The following PRKG1 variants were observed in gnomAD, a reference collection of about 807,000 sequenced individuals.
PRKG1 encodes the protein cGMP-dependent protein kinase 1.
Under a neutral mutation model 88.1 loss-of-function variants are expected in PRKG1, and 35 were observed. The observed-to-expected ratio is 0.40, with a 90% CI of 0.30 to 0.53. PRKG1 has a LOEUF of 0.53. PRKG1 is among the 20% of genes least tolerant of loss of function. PRKG1 has a pLI of 0.59. For synonymous variants in PRKG1, 303 were observed against 292.5 expected (o/e 1.04, Z -0.37); for missense variants, 540 against 839.8 (o/e 0.64, Z 4.41).
chr10:52,046,217 A>G (rs959454487), intron 5 of PRKG1, among the ~76,000 whole-genome samples: 2 of 152,134 alleles, frequency 1.3e-5, no homozygotes, highest in Non-Finnish European at 2.9e-5. Context: ...ATGACGCAAT[A>G]AAAATAAATT....
intron 4 of PRKG1, among the ~76,000 whole-genome samples, chr10:51,846,813 C>T (rs1840410847): frequency 6.6e-6 from 1 of 151,896 alleles, no homozygotes; most frequent in African/African-American, 2.4e-5. Flanking sequence ...GTTAATTGGA[C>T]AACAGTATTC....
intron 2 of PRKG1, among the ~76,000 whole-genome samples, chr10:51,284,237 G>A (rs540380045): frequency 1.4e-3 from 206 of 152,182 alleles, no homozygotes; most frequent in African/African-American, 4.7e-3. Flanking sequence ...AGCCTTAAAA[G>A]AAAAAAGACA....
In PRKG1 at chr10:52,211,701, A is replaced by T. The variant is rs1209875136; in HGVS notation, c.1077-39869A>T. Among the ~76,000 whole-genome samples, 4 of 125,766 alleles carry T rather than the reference A, an allele frequency of 3.2e-5. No individual in the cohort carries two copies. The East Asian group carries it at 1.3e-3, about 40-fold the overall frequency. The allele number at this position is 125,766 out of a possible 152,430, so 82.5% of individuals were successfully genotyped here. A position where few individuals can be genotyped will look rare whatever the true frequency, so the allele number is the denominator to read the frequency against. On this transcript the variant is annotated intron_variant, in intron 9 of 17. Transcript: ENST00000373980. ...AAATACACAAATACCTATCCTGGTA[A>T]AAAAAAAAAAAAAAAAGAAAAGTAA...
intron 2 of PRKG1, among the ~76,000 whole-genome samples, chr10:51,349,002 T>C (rs1314662914): frequency 6.6e-6 from 1 of 151,874 alleles, no homozygotes; most frequent in Non-Finnish European, 1.5e-5. Context: ...CTTGAGACGA[T>C]AGTGAGATGA....
chr10:51,539,503 T>C (rs1842246339), intron 3 of PRKG1, among the ~76,000 whole-genome samples: 1 of 152,192 alleles, frequency 6.6e-6, no homozygotes, highest in South Asian at 2.1e-4. Flanking sequence ...AAAACACTGA[T>C]ACATCTCTGG....
chr10:51,828,383 G>C (rs1423601908), intron 4 of PRKG1, among the ~76,000 whole-genome samples: 2 of 152,010 alleles, frequency 1.3e-5, no homozygotes. Flanking sequence ...CTGCCTCATT[G>C]GTGCTCAGAC....
chr10:51,088,208 C>T (rs1256258996), intron 1 of PRKG1, among the ~76,000 whole-genome samples: 1 of 152,058 alleles, frequency 6.6e-6, no homozygotes, highest in Non-Finnish European at 1.5e-5. Context: ...CGGCTTGTTC[C>T]TCTTGAATCA....
At chr10:51,956,712 C>CCT (rs10664486) in intron 5 of PRKG1, among the ~76,000 whole-genome samples, 2 of 151,572 alleles carry the variant, frequency 1.3e-5, no homozygotes, top group East Asian at 2.0e-4. Context: ...ATATAAAACT[C>CCT]CTCTCTCTCT....
intron 1 of PRKG1, among the ~76,000 whole-genome samples, chr10:51,042,000 A>G (rs772374364): frequency 2.3e-4 from 35 of 152,166 alleles, no homozygotes; most frequent in Admixed American, 6.5e-5. Context: ...CTGAGTCTCC[A>G]TGCTTAGACC....
chr10:51,647,150 T>TAAAA (rs10719185), intron 3 of PRKG1, among the ~76,000 whole-genome samples: 2 of 132,126 alleles, frequency 1.5e-5, no homozygotes, highest in Non-Finnish European at 1.6e-5. Context: ...GAGATCAAGA[T>TAAAA]AAAAAAAAAA....
intron 2 of PRKG1, among the ~76,000 whole-genome samples, chr10:51,465,226 G>A (rs1241365380): frequency 6.6e-6 from 1 of 151,952 alleles, no homozygotes; most frequent in Non-Finnish European, 1.5e-5. Flanking sequence ...AAACCACTGA[G>A]CTAAAACAAT....
intron 3 of PRKG1, among the ~76,000 whole-genome samples, chr10:51,556,698 C>T (rs573874599): frequency 6.1e-4 from 93 of 151,982 alleles, no homozygotes; most frequent in Non-Finnish European, 8.7e-4. Flanking sequence ...AAGATGGCAA[C>T]GATAGACACT....
chr10:51,604,134 C>T lies in PRKG1; in HGVS notation c.592+136298C>T, dbSNP rs147262202. ...TTCTTAACCACCCTCTTCCTTACCACACCAGTCTCTTAAACATTATTTCCC... is the reference window on the plus strand; with the variant it reads ...TTCTTAACCACCCTCTTCCTTACCATACCAGTCTCTTAAACATTATTTCCC... On this transcript the variant is annotated intron_variant, in intron 3 of 17. Transcript: ENST00000373980. Among the ~76,000 whole-genome samples the T allele has an allele frequency of 4.0e-4, 60 of 150,634 alleles. No individual in the cohort carries two copies. The East Asian group carries it at 0.011, about 27-fold the overall frequency.
At chr10:51,341,974 G>C (rs573883680) in intron 2 of PRKG1, among the ~76,000 whole-genome samples, 1 of 152,216 alleles carries the variant, frequency 6.6e-6, no homozygotes, top group South Asian at 2.1e-4. Flanking sequence ...CCCCCATGAG[G>C]TTTTCTGGCC....
intron 2 of PRKG1, among the ~76,000 whole-genome samples, chr10:51,309,359 G>T (rs181312835): frequency 6.6e-6 from 1 of 151,942 alleles, no homozygotes; most frequent in African/African-American, 2.4e-5. Context: ...ACTAATATCC[G>T]GAATTTACAA....
chr10:51,622,382 T>C (rs924883572), intron 3 of PRKG1, among the ~76,000 whole-genome samples: 26 of 152,306 alleles, frequency 1.7e-4, no homozygotes, highest in African/African-American at 5.5e-4. Flanking sequence ...TAGTAGTGAA[T>C]CATGATCAAA....
intron 1 of PRKG1, among the ~76,000 whole-genome samples, chr10:51,147,541 AT>A (rs1845972755): frequency 6.6e-6 from 1 of 152,188 alleles, no homozygotes; most frequent in African/African-American, 2.4e-5. Flanking sequence ...TTTTTAGACT[AT>A]TAATATTTCC....
At chr10:51,968,825 A>C (rs1159169014) in intron 5 of PRKG1, among the ~76,000 whole-genome samples, 2 of 145,886 alleles carry the variant, frequency 1.4e-5, no homozygotes, top group African/African-American at 5.4e-5. Flanking sequence ...TCCATCAAAA[A>C]AAAAAAAAAA....
chr10:51,266,331 C>G (rs1407083771), intron 2 of PRKG1, among the ~76,000 whole-genome samples: 2 of 152,152 alleles, frequency 1.3e-5, no homozygotes, highest in African/African-American at 2.4e-5. Flanking sequence ...AAAGGAGTAG[C>G]AACAGACTAG....
Sources: allele counts gnomAD v4.1 joint callset (sites outside exome capture counted in the v4.1 genomes callset), GRCh38; gene constraint gnomAD v4.1.1; transcripts MANE v1.5; gene names NCBI Gene and HGNC (gene_info 2026-07-23, HGNC 2026-07-21).